Variants in SLC35E2B observed in about 807,000 individuals in gnomAD.
SLC35E2B encodes solute carrier family 35 member E2B, also known as solute carrier family 35, member E2B.
A neutral mutation model predicts 32.4 loss-of-function variants in SLC35E2B; 18 were observed. The ratio of observed to expected loss-of-function variants is 0.56; its 90% confidence interval spans 0.38 to 0.82. The LOEUF (loss-of-function observed/expected upper bound fraction) is 0.82. Among genes scored for constraint, SLC35E2B ranks in the 40% least tolerant of loss-of-function variants. The pLI, the probability that SLC35E2B is intolerant of heterozygous loss-of-function variation, is 0.00. For missense variants in SLC35E2B, 263 were observed against 469.5 expected, an observed-to-expected ratio of 0.56 and a Z score of 4.06; for synonymous variants, 132 against 209.1, an observed-to-expected ratio of 0.63 and a Z score of 3.18.
rs1363492402 is a variant in SLC35E2B, at chr1:1,664,520, G to A, written c.*1262C>T. The stretch of plus-strand genomic sequence containing the variant: ...CCGGGCATGGGAATCCGCCAGCTGC[G>A]AGATTGGGGGTAAAGAGCTCAGACA... On this transcript the variant is annotated 3_prime_UTR_variant, in exon 10 of 10. Transcript: ENST00000617444. 7.9e-5 allele frequency: 72 copies of A among 915,552 alleles called. 14 individuals carry two copies. The highest frequency in any genetic ancestry group is 8.5e-5 in the Non-Finnish European group (65 of 769,170). The allele number at this position is 915,552 out of a possible 1,614,324, so 56.7% of individuals were successfully genotyped here.
chr1:1,669,539 G>C, intron 8 of SLC35E2B, 125 bp downstream of exon 8: 1 of 936,858 alleles, frequency 1.1e-6, no homozygotes, highest in East Asian at 2.7e-5. Context: ...AGCTAAGCAG[G>C]ACCCGCAGCG....
chr1:1,681,911 G>A (rs1414452504), intron 2 of SLC35E2B, among the ~76,000 whole-genome samples: 2 of 147,118 alleles, frequency 1.4e-5, no homozygotes, highest in Non-Finnish European at 3.0e-5. Flanking sequence ...TGTGAACCCG[G>A]GAGGTGGAGC....
chr1:1,684,222 C>T (rs1015019221), intron 2 of SLC35E2B, among the ~76,000 whole-genome samples: 2 of 152,210 alleles, frequency 1.3e-5, no homozygotes, highest in South Asian at 2.1e-4. Context: ...TCCACCTCCG[C>T]GTGCTGACAC....
intron 2 of SLC35E2B, among the ~76,000 whole-genome samples, chr1:1,687,981 C>T (rs561569423): frequency 2.6e-5 from 4 of 152,070 alleles, no homozygotes; most frequent in Admixed American, 6.6e-5. Flanking sequence ...GACTGACTCT[C>T]GGGCTGTGGT....
intron 6 of SLC35E2B, 67 bp from the exon 7 acceptor site, chr1:1,670,218 T>C: frequency 8.4e-7 from 1 of 1,184,056 alleles, no homozygotes; most frequent in South Asian, 1.3e-5. Flanking sequence ...GGGGAGAAGG[T>C]GTCTGCGCTC....
chr1:1,688,764 C>A (rs1272588748), intron 2 of SLC35E2B, among the ~76,000 whole-genome samples: 1 of 152,132 alleles, frequency 6.6e-6, no homozygotes, highest in Admixed American at 6.5e-5. Context: ...ACACGTCCTG[C>A]AAGGAGACGG....
chr1:1,683,398 A>C (rs1429596485), intron 2 of SLC35E2B, among the ~76,000 whole-genome samples: 1 of 152,132 alleles, frequency 6.6e-6, no homozygotes, highest in Non-Finnish European at 1.5e-5. Flanking sequence ...AGGATCAATG[A>C]GTTTGACAGG....
intron 2 of SLC35E2B, among the ~76,000 whole-genome samples, chr1:1,684,369 A>G (rs1460022929): frequency 1.3e-5 from 2 of 152,188 alleles, no homozygotes; most frequent in African/African-American, 2.4e-5. Flanking sequence ...TTTCTGCTGA[A>G]GGCGTTTGCT....
At chr1:1,677,512 C>T (rs1360925292) in intron 2 of SLC35E2B, among the ~76,000 whole-genome samples, 1 of 146,338 alleles carries the variant, frequency 6.8e-6, no homozygotes, top group Non-Finnish European at 1.5e-5. Flanking sequence ...GAGTATTGCT[C>T]TGTCGCCCAG....
At chr1:1,685,524 G>T (rs1487067108) in intron 2 of SLC35E2B, among the ~76,000 whole-genome samples, 1 of 152,042 alleles carries the variant, frequency 6.6e-6, no homozygotes, top group East Asian at 1.9e-4. Context: ...AGTGAGGTGG[G>T]GGCGGCTCCA....
intron 5 of SLC35E2B, 139 bp downstream of exon 5, chr1:1,675,324 G>C (rs1643814661): frequency 2.5e-6 from 2 of 802,124 alleles, no homozygotes; most frequent in Non-Finnish European, 3.9e-6. Flanking sequence ...CGTGAGAGAA[G>C]TGAAGGCACT....
intron 5 of SLC35E2B, chr1:1,672,994 T>C (rs139430452): frequency 9.5e-4 from 148 of 155,102 alleles, no homozygotes; most frequent in Non-Finnish European, 1.8e-3. Flanking sequence ...TGTTTAAACT[T>C]GCTGGAAATA....
Position 1,665,401 on chromosome 1 carries a change from G to C in SLC35E2B, c.*381C>G. ...TTCGATGGCTGGTGTGGGAAGCCGA[G>C]GGCTCTCTTGGCTGTGGCAGGGAGC... On this transcript the variant is annotated 3_prime_UTR_variant, in exon 10 of 10. Transcript: ENST00000617444. 2.2e-6 allele frequency: 1 copy of C among 446,564 alleles called. No homozygotes were observed. Among genetic ancestry groups the C allele is most frequent in the Non-Finnish European group, 3.9e-6 (1 of 253,974 alleles). The allele number at this position is 446,564 out of a possible 1,614,324, so 27.7% of individuals were successfully genotyped here.
In SLC35E2B at chr1:1,685,528, G is replaced by A. The variant is rs958774973; in HGVS notation, c.-148+5448C>T. Among the ~76,000 whole-genome samples, 8 of 151,962 alleles carry A rather than the reference G, an allele frequency of 5.3e-5. 1 individual carries two copies. The East Asian group carries it at 1.3e-3, about 26-fold the overall frequency. On this transcript the variant is annotated intron_variant, in intron 2 of 9. Coordinates refer to ENST00000617444, the MANE Select transcript of SLC35E2B (RefSeq NM_001290264.2). ...GAGTGCAGTGCAGTGAGGTGGGGGC[G>A]GCTCCAGGTCTGACTTTCAGAACCA...
At chr1:1,671,765 T>C (rs1643699749) in intron 5 of SLC35E2B, 136 bp from the exon 6 acceptor site, 1 of 991,942 alleles carries the variant, frequency 1.0e-6, no homozygotes, top group Non-Finnish European at 1.4e-6. Context: ...TGTCAGTTTC[T>C]TCACATTGTG....
In SLC35E2B at chr1:1,665,241, G is replaced by A. The variant is rs1643511287; in HGVS notation, c.*541C>T. The A allele has an allele frequency of 4.5e-6, 1 of 224,692 alleles. No individual in the cohort carries two copies. Among genetic ancestry groups the A allele is most frequent in the Non-Finnish European group, 8.6e-6 (1 of 115,952 alleles). 13.9% of individuals were successfully genotyped at this position (224,692 alleles called of 1,614,324 possible). ...GAGGATGCCCACAGCCCTGGGTCAGGTGGGGAGAAGTTCTGAGTGCCCACC... is the reference window on the plus strand; with the variant it reads ...GAGGATGCCCACAGCCCTGGGTCAGATGGGGAGAAGTTCTGAGTGCCCACC... On this transcript the variant is annotated 3_prime_UTR_variant, in exon 10 of 10. Transcript: ENST00000617444.
intron 2 of SLC35E2B, among the ~76,000 whole-genome samples, chr1:1,689,532 G>C (rs995553036): frequency 6.6e-6 from 1 of 151,548 alleles, no homozygotes; most frequent in South Asian, 2.1e-4. Flanking sequence ...AAACTTAAAT[G>C]TGTAAAACTT....
At chr1:1,680,256 G>A (rs1643889245) in intron 2 of SLC35E2B, among the ~76,000 whole-genome samples, 1 of 151,656 alleles carries the variant, frequency 6.6e-6, no homozygotes. Flanking sequence ...AGCCGTGATT[G>A]TGCCACTGAA....
At chr1:1,689,103 C>T (rs1643990415) in intron 2 of SLC35E2B, among the ~76,000 whole-genome samples, 1 of 151,932 alleles carries the variant, frequency 6.6e-6, no homozygotes, top group African/African-American at 2.4e-5. Flanking sequence ...ACCTGGGAGA[C>T]GGAGGCTTTA....
Sources: allele counts gnomAD v4.1 joint callset (sites outside exome capture counted in the v4.1 genomes callset), GRCh38; gene constraint gnomAD v4.1.1; transcripts MANE v1.5; gene names NCBI Gene and HGNC (gene_info 2026-07-23, HGNC 2026-07-21).